The following UHRF2 variants were observed in gnomAD, a reference collection of about 807,000 sequenced individuals.
The protein encoded by UHRF2 is E3 ubiquitin-protein ligase UHRF2.
Under a neutral mutation model 96.8 loss-of-function variants are expected in UHRF2, and 23 were observed. The ratio of observed to expected loss-of-function variants is 0.24; its 90% CI spans 0.17 to 0.34. UHRF2 has a LOEUF of 0.34. UHRF2 is among the 10% of genes least tolerant of loss of function. UHRF2 has a pLI of 1.00. For synonymous variants in UHRF2, 385 were observed against 332.6 expected, an observed-to-expected ratio of 1.16 and a Z score of -1.72; for missense variants, 685 against 981.5, an observed-to-expected ratio of 0.70 and a Z score of 4.04.
chr9:6,420,575 G>A (rs991806274), intron 1 of UHRF2, among the ~76,000 whole-genome samples: 8 of 151,700 alleles, frequency 5.3e-5, no homozygotes, highest in Non-Finnish European at 1.0e-4. Context: ...CATGATGACG[G>A]GCACCTGTAG....
chr9:6,460,455 A>G, intron 3 of UHRF2, 118 bp from the exon 4 acceptor site: 1 of 814,066 alleles, frequency 1.2e-6, no homozygotes. Context: ...AGGACACTTC[A>G]ACCTATTTTA....
At chr9:6,488,677 T>C (rs1824466495) in intron 9 of UHRF2, among the ~76,000 whole-genome samples, 1 of 150,992 alleles carries the variant, frequency 6.6e-6, no homozygotes, top group African/African-American at 2.4e-5. Context: ...AATTTTTGTG[T>C]TTTTACTAGA....
intron 8 of UHRF2, among the ~76,000 whole-genome samples, chr9:6,486,274 C>T (rs1331268231): frequency 2.0e-5 from 3 of 152,056 alleles, no homozygotes; most frequent in Middle Eastern, 3.2e-3. Context: ...ACTCAAACTA[C>T]GATTGAACAG....
intron 15 of UHRF2, among the ~76,000 whole-genome samples, 162 bp from the exon 16 acceptor site, chr9:6,505,871 T>C (rs1816554482): frequency 6.6e-6 from 1 of 152,244 alleles, no homozygotes; most frequent in Non-Finnish European, 1.5e-5. Context: ...ACTAAAGCCA[T>C]GACTGTAGTC....
At chr9:6,423,348 T>C (rs1023893621) in intron 2 of UHRF2, among the ~76,000 whole-genome samples, 4 of 152,210 alleles carry the variant, frequency 2.6e-5, no homozygotes, top group Admixed American at 2.0e-4. Context: ...TTAATACTGA[T>C]ACTAAAACAT....
At chr9:6,416,321 G>T (rs914072157) in intron 1 of UHRF2, among the ~76,000 whole-genome samples, 1 of 152,056 alleles carries the variant, frequency 6.6e-6, no homozygotes, top group African/African-American at 2.4e-5. Context: ...GCCCACCTCG[G>T]CTTCCCAAAG....
At chr9:6,428,541 T>TGC (rs1820387253) in intron 2 of UHRF2, among the ~76,000 whole-genome samples, 1 of 7,526 alleles carries the variant, frequency 1.3e-4, no homozygotes, top group African/African-American at 3.8e-4. Context: ...TGCTTTTTTT[T>TGC]TTTTTTTTTT....
At chr9:6,454,201 G>A (rs1822051038) in intron 3 of UHRF2, among the ~76,000 whole-genome samples, 1 of 152,164 alleles carries the variant, frequency 6.6e-6, no homozygotes, top group Admixed American at 6.5e-5. Flanking sequence ...TAAGTTGAGG[G>A]GTTGGTGGGA....
chr9:6,478,902 T>C (rs1197973507), intron 6 of UHRF2, among the ~76,000 whole-genome samples: 2 of 152,210 alleles, frequency 1.3e-5, no homozygotes, highest in East Asian at 3.9e-4. Flanking sequence ...CTAATAACTA[T>C]TTCCTCTGAC....
At chr9:6,447,237 A>G (rs1272303159) in intron 3 of UHRF2, among the ~76,000 whole-genome samples, 1 of 152,184 alleles carries the variant, frequency 6.6e-6, no homozygotes, top group Non-Finnish European at 1.5e-5. Context: ...TATTAGCAAA[A>G]TAGATGTCAG....
intron 3 of UHRF2, among the ~76,000 whole-genome samples, chr9:6,445,975 G>GC (rs1821464476): frequency 3.8e-5 from 2 of 52,560 alleles, no homozygotes; most frequent in Non-Finnish European, 8.4e-5. Context: ...TTCCCCCCCC[G>GC]CCACCCTTTT....
chr9:6,499,666 C>A (rs1275288380), intron 12 of UHRF2, 169 bp from the exon 13 acceptor site: 1 of 445,368 alleles, frequency 2.2e-6, no homozygotes. Flanking sequence ...TAATAGTTGT[C>A]TGTGCTTTGA....
intron 1 of UHRF2, among the ~76,000 whole-genome samples, chr9:6,420,170 C>T (rs1465228014): frequency 6.6e-6 from 1 of 151,754 alleles, no homozygotes; most frequent in Non-Finnish European, 1.5e-5. Flanking sequence ...GATTCTCTTG[C>T]CTCTGCCTCC....
intron 3 of UHRF2, among the ~76,000 whole-genome samples, chr9:6,450,408 TTC>T (rs1263996464): frequency 6.6e-6 from 1 of 151,250 alleles, no homozygotes; most frequent in Non-Finnish European, 1.5e-5. Context: ...TGACACATTC[TTC>T]TGTTATGTGT....
At chr9:6,463,342 G>T (rs1468664416) in intron 4 of UHRF2, among the ~76,000 whole-genome samples, 1 of 152,002 alleles carries the variant, frequency 6.6e-6, no homozygotes, top group Non-Finnish European at 1.5e-5. Context: ...TTGATAAAGA[G>T]AATGGTTATG....
chr9:6,419,181 G>T (rs368077199), intron 1 of UHRF2, among the ~76,000 whole-genome samples: 1 of 152,154 alleles, frequency 6.6e-6, no homozygotes, highest in Non-Finnish European at 1.5e-5. Flanking sequence ...TGGCAGGGAC[G>T]CAACTTAGCT....
intron 10 of UHRF2, chr9:6,496,303 G>A (rs147364584): frequency 7.9e-5 from 12 of 152,210 alleles, no homozygotes; most frequent in African/African-American, 2.4e-4. Context: ...CACTTAAGAC[G>A]TAGGTGTCCT....
At chr9:6,424,189 A>G (rs1563743760) in intron 2 of UHRF2, among the ~76,000 whole-genome samples, 1 of 152,214 alleles carries the variant, frequency 6.6e-6, no homozygotes. Context: ...GGGAGAGCTG[A>G]GAAAATGTTT....
chr9:6,437,367 G>T (rs1820912856), intron 3 of UHRF2, among the ~76,000 whole-genome samples: 1 of 152,010 alleles, frequency 6.6e-6, no homozygotes, highest in Non-Finnish European at 1.5e-5. Context: ...TGAGTACCTG[G>T]GATGACAGGT....
Sources: gnomAD v4.1 joint callset for allele counts (sites outside exome capture counted in the v4.1 genomes callset) on GRCh38, gnomAD v4.1.1 for gene constraint, MANE v1.5 for transcripts, NCBI Gene and HGNC (gene_info 2026-07-23, HGNC 2026-07-21) for gene names.